Variants in SGCZ observed in about 807,000 individuals in gnomAD.
SGCZ encodes the protein sarcoglycan zeta.
SGCZ carries 40 observed loss-of-function variants against 41.3 expected under a neutral mutation model. That is an observed-to-expected ratio of 0.97 (90% confidence interval 0.75 to 1.26). The LOEUF (loss-of-function observed/expected upper bound fraction) is 1.26. SGCZ is among the 50% of genes most tolerant of loss of function. The pLI is 0.00. For missense variants in SGCZ, 552 were observed against 369.8 expected, an observed-to-expected ratio of 1.49 and a Z score of -4.04; for synonymous variants, 206 against 137.5, an observed-to-expected ratio of 1.50 and a Z score of -3.49.
At chr8:14,811,455 G>A (rs1222649086) in intron 1 of SGCZ, among the ~76,000 whole-genome samples, 1 of 147,088 alleles carries the variant, frequency 6.8e-6, no homozygotes, top group Non-Finnish European at 1.5e-5. Flanking sequence ...AAAACAACCT[G>A]GAGATCGTCA....
intron 2 of SGCZ, among the ~76,000 whole-genome samples, chr8:14,485,965 C>G (rs1419956747): frequency 2.0e-5 from 3 of 151,584 alleles, no homozygotes; most frequent in African/African-American, 7.3e-5. Context: ...CCTCAGCCTC[C>G]CGAGTAGCTG....
intron 5 of SGCZ, among the ~76,000 whole-genome samples, chr8:14,120,866 A>C (rs1454542101): frequency 6.6e-6 from 1 of 152,130 alleles, no homozygotes; most frequent in Non-Finnish European, 1.5e-5. Flanking sequence ...AAAAACTTTG[A>C]ATAAATTTAA....
In SGCZ at chr8:14,192,553, G is replaced by C. The variant is rs554118147; in HGVS notation, c.425-27851C>G. On this transcript the variant is annotated intron_variant, in intron 4 of 7. Coordinates refer to ENST00000382080, the MANE Select transcript of SGCZ (RefSeq NM_139167.4). ...TGAATACATTGCATATGATATTTGA[G>C]TTTTTATTCAAGAGTTCTATCCAAG... Among the ~76,000 whole-genome samples, 187 of 151,770 alleles carry C rather than the reference G, an allele frequency of 1.2e-3. 2 individuals are homozygous for C. Among genetic ancestry groups the C allele is most frequent in the Middle Eastern group, 3.4e-3 (1 of 292 alleles).
intron 4 of SGCZ, among the ~76,000 whole-genome samples, chr8:14,200,000 A>C (rs1805401693): frequency 1.3e-5 from 2 of 152,176 alleles, no homozygotes; most frequent in Admixed American, 1.3e-4. Flanking sequence ...AAAGACATTA[A>C]ATTTTGGGGT....
intron 1 of SGCZ, among the ~76,000 whole-genome samples, chr8:15,058,864 T>C (rs553829838): frequency 5.3e-5 from 8 of 152,326 alleles, no homozygotes; most frequent in African/African-American, 1.9e-4. Flanking sequence ...TATCCAAATG[T>C]ATGTTATACA....
intron 1 of SGCZ, among the ~76,000 whole-genome samples, chr8:15,018,741 A>G (rs116607845): frequency 7.6e-4 from 116 of 152,330 alleles, no homozygotes; most frequent in African/African-American, 2.7e-3. Context: ...GGGATGTTGT[A>G]GTAGTCCGTT....
intron 1 of SGCZ, among the ~76,000 whole-genome samples, chr8:14,611,666 A>C (rs2117341399): frequency 6.6e-6 from 1 of 152,328 alleles, no homozygotes; most frequent in Non-Finnish European, 1.5e-5. Context: ...CCAATATAGA[A>C]AAAATTGCAG....
intron 1 of SGCZ, among the ~76,000 whole-genome samples, chr8:14,811,369 T>A (rs932610527): frequency 6.6e-6 from 1 of 151,848 alleles, no homozygotes; most frequent in East Asian, 1.9e-4. Context: ...AGTGCTTTAA[T>A]AAAGTTAAAA....
At chr8:14,189,089 C>G (rs184623147) in intron 4 of SGCZ, among the ~76,000 whole-genome samples, 1 of 151,202 alleles carries the variant, frequency 6.6e-6, no homozygotes, top group East Asian at 2.0e-4. Flanking sequence ...GAACTCCTGA[C>G]CTCAGGCCAT....
chr8:14,847,560 T>C (rs1004366279), intron 1 of SGCZ, among the ~76,000 whole-genome samples: 1 of 151,368 alleles, frequency 6.6e-6, no homozygotes, highest in African/African-American at 2.4e-5. Flanking sequence ...AAAATGTGCT[T>C]AATAAAATGT....
At chr8:14,397,994 C>T (rs1486375677) in intron 2 of SGCZ, among the ~76,000 whole-genome samples, 2 of 152,106 alleles carry the variant, frequency 1.3e-5, no homozygotes, top group Non-Finnish European at 2.9e-5. Context: ...TTCTTCCTCT[C>T]AGAATGCTAT....
In SGCZ at chr8:14,798,356, A is replaced by G. The variant is rs541282706; in HGVS notation, c.40-243430T>C. 3.9e-5 allele frequency among the ~76,000 whole-genome samples: 6 copies of G among 152,286 alleles called. 1 individual carries two copies. The South Asian group carries it at 1.2e-3, about 32-fold the overall frequency. On this transcript the variant is annotated intron_variant, in intron 1 of 7. Transcript: ENST00000382080. ...TTTTATTTTACAATTCATCTTCTTG[A>G]GTTCTAAAACTATTTATCATAAAGT...
chr8:14,759,610 T>C (rs184065556), intron 1 of SGCZ, among the ~76,000 whole-genome samples: 32 of 152,298 alleles, frequency 2.1e-4, no homozygotes, highest in African/African-American at 7.7e-4. Flanking sequence ...AGTCTATTAC[T>C]GGACTTGATT....
chr8:14,133,472 G>T (rs1253318526), intron 5 of SGCZ, among the ~76,000 whole-genome samples: 1 of 152,092 alleles, frequency 6.6e-6, no homozygotes, highest in Non-Finnish European at 1.5e-5. Flanking sequence ...CTCCAGACAG[G>T]TTACAAGAGA....
At chr8:14,416,872 C>A (rs1035161250) in intron 2 of SGCZ, among the ~76,000 whole-genome samples, 3 of 151,832 alleles carry the variant, frequency 2.0e-5, no homozygotes, top group East Asian at 3.9e-4. Context: ...AAAGTGCTTA[C>A]TAAATTCTGT....
intron 1 of SGCZ, among the ~76,000 whole-genome samples, chr8:14,672,374 G>C (rs1473688838): frequency 6.6e-6 from 1 of 152,146 alleles, no homozygotes; most frequent in Admixed American, 6.5e-5. Context: ...GCGATTTTAA[G>C]AATATTCTTG....
chr8:15,177,462 G>A (rs1800033901), intron 1 of SGCZ, among the ~76,000 whole-genome samples: 1 of 152,140 alleles, frequency 6.6e-6, no homozygotes, highest in Non-Finnish European at 1.5e-5. Context: ...ATCTGTAAAT[G>A]TTGACAACAT....
chr8:14,608,398 C>G (rs1044897951), intron 1 of SGCZ, among the ~76,000 whole-genome samples: 1 of 151,566 alleles, frequency 6.6e-6, no homozygotes, highest in Admixed American at 6.6e-5. Context: ...AGCATATGCT[C>G]AGCTTCTGGA....
intron 1 of SGCZ, among the ~76,000 whole-genome samples, chr8:14,633,372 C>T (rs1480821440): frequency 6.6e-6 from 1 of 151,768 alleles, no homozygotes; most frequent in Admixed American, 6.6e-5. Context: ...AATTTAGTTT[C>T]CTTTCTCTAA....
Sources: allele counts gnomAD v4.1 joint callset (sites outside exome capture counted in the v4.1 genomes callset), GRCh38; gene constraint gnomAD v4.1.1; transcripts MANE v1.5; gene names NCBI Gene and HGNC (gene_info 2026-07-23, HGNC 2026-07-21).